JAKMIP3: variants seen among roughly 807,000 people sequenced by gnomAD.
The protein encoded by JAKMIP3 is Janus kinase and microtubule interacting protein 3, also known as janus kinase and microtubule-interacting protein 3.
In JAKMIP3, 58 loss-of-function variants were observed where a neutral mutation model predicts 118.5. The observed-to-expected ratio is 0.49, with a 90% CI of 0.40 to 0.61. JAKMIP3 has a LOEUF of 0.61. JAKMIP3 is among the 20% of genes least tolerant of loss of function. The pLI is 0.00. For synonymous variants in JAKMIP3, 486 were observed against 451.2 expected (o/e 1.08, Z -0.98); for missense variants, 950 against 1,109.0 (o/e 0.86, Z 2.04).
intron 1 of JAKMIP3, among the ~76,000 whole-genome samples, chr10:132,084,854 C>A (rs932862210): frequency 6.6e-6 from 1 of 152,126 alleles, no homozygotes; most frequent in Non-Finnish European, 1.5e-5. Flanking sequence ...GTTTTTAATT[C>A]TGTTTATGTA....
Position 132,115,037 on chromosome 10 carries a change from G to A in JAKMIP3, c.136-2040G>A, listed in dbSNP as rs143660643. On this transcript the variant is annotated intron_variant, in intron 2 of 23. Transcript: ENST00000684848. Reference sequence around the variant, plus strand: ...GGGAAAAGCATGGTGAGTGGCTGCTGTGATCGGGCGAGGGTGAATTACGCA... The same window carrying A: ...GGGAAAAGCATGGTGAGTGGCTGCTATGATCGGGCGAGGGTGAATTACGCA... Among the ~76,000 whole-genome samples, 313 of 152,342 alleles carry A rather than the reference G, an allele frequency of 2.1e-3. 1 individual carries two copies. Among genetic ancestry groups the A allele is most frequent in the African/African-American group, 7.3e-3 (303 of 41,582 alleles).
intron 23 of JAKMIP3, among the ~76,000 whole-genome samples, chr10:132,175,369 T>C (rs1318569120): frequency 6.6e-6 from 1 of 152,178 alleles, no homozygotes; most frequent in African/African-American, 2.4e-5. Flanking sequence ...CCATGGTCAA[T>C]AACTCCTCCT....
chr10:132,087,341 C>T (rs769761126), intron 1 of JAKMIP3, among the ~76,000 whole-genome samples: 12 of 149,346 alleles, frequency 8.0e-5, no homozygotes, highest in Non-Finnish European at 1.3e-4. Context: ...TGTGCCTAGG[C>T]GATGATCTTT....
At chr10:132,048,442 TGTCAGTA>T (rs1440884849) in intron 1 of JAKMIP3, among the ~76,000 whole-genome samples, 5 of 152,216 alleles carry the variant, frequency 3.3e-5, no homozygotes, top group Non-Finnish European at 4.4e-5. Context: ...TGTTTGTTTA[TGTCAGTA>T]GGGACACGTG....
At chr10:132,109,408 GAA>G (rs2046499427) in intron 2 of JAKMIP3, among the ~76,000 whole-genome samples, 1 of 152,196 alleles carries the variant, frequency 6.6e-6, no homozygotes, top group Non-Finnish European at 1.5e-5. Context: ...CACAATTAAC[GAA>G]TGACCTCATT....
upstream of JAKMIP3, among the ~76,000 whole-genome samples, chr10:132,061,266 G>A (rs893079590): frequency 7.0e-6 from 1 of 142,796 alleles, no homozygotes; most frequent in Non-Finnish European, 1.6e-5. Context: ...CTGCCGTGAT[G>A]GCGCGCACAC....
intron 13 of JAKMIP3, 35 bp from the exon 14 acceptor site, chr10:132,147,917 C>G (rs192403247): frequency 1.4e-6 from 2 of 1,454,540 alleles, no homozygotes; most frequent in East Asian, 2.4e-5. Context: ...GAGAGAGAAC[C>G]AGACCCCTCA....
intron 11 of JAKMIP3, 106 bp from the exon 12 acceptor site, chr10:132,145,001 A>C (rs145738060): frequency 2.0e-5 from 17 of 846,748 alleles, no homozygotes; most frequent in Non-Finnish European, 3.1e-5. Flanking sequence ...GTCACTTCTC[A>C]ATGAACTGAA....
intron 1 of JAKMIP3, among the ~76,000 whole-genome samples, chr10:132,059,672 T>C (rs2038339338): frequency 6.6e-6 from 1 of 152,174 alleles, no homozygotes; most frequent in East Asian, 1.9e-4. Context: ...AGGCGCTTAG[T>C]GGGGTGGTTG....
intron 1 of JAKMIP3, among the ~76,000 whole-genome samples, chr10:132,042,910 C>T (rs2037804134): frequency 7.1e-6 from 1 of 140,448 alleles, no homozygotes; most frequent in East Asian, 2.1e-4. Context: ...GGCATCATGG[C>T]AAGACCCCAT....
intron 10 of JAKMIP3, among the ~76,000 whole-genome samples, chr10:132,140,912 AG>A (rs1804909641): frequency 6.6e-6 from 1 of 152,138 alleles, no homozygotes; most frequent in South Asian, 2.1e-4. Context: ...TCCCTTCCTA[AG>A]GGGCCTCCCC....
intron 1 of JAKMIP3, among the ~76,000 whole-genome samples, chr10:132,057,941 G>A (rs759373078): frequency 2.0e-5 from 3 of 152,340 alleles, no homozygotes; most frequent in South Asian, 2.1e-4. Flanking sequence ...GACAGGGTTC[G>A]GGTGACACTC....
chr10:132,168,486 C>A lies in JAKMIP3; in HGVS notation c.*556C>A. 1 of 955,620 alleles carries A rather than the reference C, an allele frequency of 1.0e-6. No individual in the cohort carries two copies. The highest frequency in any genetic ancestry group is 1.4e-6 in the Non-Finnish European group (1 of 709,876). The allele number at this position is 955,620 out of a possible 1,614,324, so 59.2% of individuals were successfully genotyped here. On this transcript the variant is annotated 3_prime_UTR_variant, in exon 23 of 24. Transcript: ENST00000684848. ...GGAGGGCTCCCCGACGCCTCAGGGG[C>A]CCCTCCGATGCTGCAATATGTTGCT...
rs867312826 is a variant in JAKMIP3 at position 132,104,653 on chromosome 10, G to A, written c.-137-19G>A. 12 of 747,890 alleles carry A rather than the reference G, an allele frequency of 1.6e-5. No individual in the cohort carries two copies. Among genetic ancestry groups the A allele is most frequent in the East Asian group, 2.7e-5 (1 of 36,734 alleles). 46.3% of individuals were successfully genotyped at this position (747,890 alleles called of 1,614,324 possible). A position where few individuals can be genotyped will look rare whatever the true frequency, so the allele number is the denominator to read the frequency against. ...GGCTCCGGAGGGAGCTGCTCACCGCGGTGTGCTTTCCCCTCCAGGTGAATG... is the reference window on the plus strand; with the variant it reads ...GGCTCCGGAGGGAGCTGCTCACCGCAGTGTGCTTTCCCCTCCAGGTGAATG... On this transcript the variant is annotated intron_variant, in intron 1 of 23. Transcript: ENST00000684848.
intron 16 of JAKMIP3, among the ~76,000 whole-genome samples, chr10:132,150,890 C>T (rs1489265786): frequency 6.6e-6 from 1 of 152,150 alleles, no homozygotes; most frequent in African/African-American, 2.4e-5. Flanking sequence ...ATCTATCCTT[C>T]ATCCATCATC....
Position 132,168,490 on chromosome 10 carries a change from T to A in JAKMIP3, c.*560T>A, listed in dbSNP as rs973653308. The A allele has an allele frequency of 4.4e-6, 4 of 899,136 alleles. No homozygotes were observed. The highest frequency in any genetic ancestry group is 6.0e-6 in the Non-Finnish European group (4 of 661,650). The allele number at this position is 899,136 out of a possible 1,614,324, so 55.7% of individuals were successfully genotyped here. ...GGCTCCCCGACGCCTCAGGGGCCCC[T>A]CCGATGCTGCAATATGTTGCTGGGG... On this transcript the variant is annotated 3_prime_UTR_variant, in exon 23 of 24. Coordinates refer to ENST00000684848, the MANE Select transcript of JAKMIP3 (RefSeq NM_001323087.2).
At chr10:132,180,594 T>C (rs1251899582) in intron 23 of JAKMIP3, among the ~76,000 whole-genome samples, 1,047 of 24,562 alleles carry the variant, frequency 0.043, 196 homozygotes, top group East Asian at 0.051. Context: ...CGCGTGTGTG[T>C]GTGCGTGCGC....
At chr10:132,101,550 C>T (rs7897859) in intron 1 of JAKMIP3, among the ~76,000 whole-genome samples, 29,142 of 152,160 alleles carry the variant, frequency 0.19, 2,903 homozygotes, top group East Asian at 0.29. Flanking sequence ...ACAACTGTCT[C>T]GGCAGCCAGA....
upstream of JAKMIP3, among the ~76,000 whole-genome samples, chr10:132,036,407 G>C (rs901006396): frequency 4.6e-5 from 7 of 152,210 alleles, no homozygotes; most frequent in Admixed American, 3.9e-4. Context: ...CCTGAGCGGC[G>C]GGTGAGTCCC....
Sources: allele counts gnomAD v4.1 joint callset (sites outside exome capture counted in the v4.1 genomes callset), GRCh38; gene constraint gnomAD v4.1.1; transcripts MANE v1.5; gene names NCBI Gene and HGNC (gene_info 2026-07-23, HGNC 2026-07-21).